Variants in PDE1C observed in about 807,000 individuals in gnomAD.
PDE1C encodes the protein dual specificity calcium/calmodulin-dependent 3',5'-cyclic nucleotide phosphodiesterase 1C.
In PDE1C, 62 loss-of-function variants were observed where a neutral mutation model predicts 93.1. The observed-to-expected ratio is 0.67, with a 90% CI of 0.54 to 0.82. The LOEUF is 0.82. Ranked by LOEUF, PDE1C falls within the 40% of genes least tolerant of loss-of-function variation. The probability of loss-of-function intolerance (pLI) is 0.00; values close to 1 mark genes in which losing one functional copy is unlikely to be tolerated. For missense variants in PDE1C, 742 were observed against 884.6 expected (o/e 0.84, Z 2.04); for synonymous variants, 325 against 310.1 (o/e 1.05, Z -0.50).
chr7:31,695,191 G>A, the PDE1C span, among the ~76,000 whole-genome samples: 3 of 152,098 alleles, frequency 2.0e-5, no homozygotes. Flanking sequence ...GTGGCTTGCC[G>A]GACCATATTT....
At chr7:32,128,893 T>A (rs1799736966) in intron 3 of PDE1C, among the ~76,000 whole-genome samples, 1 of 103,206 alleles carries the variant, frequency 9.7e-6, no homozygotes, top group Non-Finnish European at 1.9e-5. Context: ...ACCCTAGAAC[T>A]TAAAGTATAA....
intron 3 of PDE1C, among the ~76,000 whole-genome samples, chr7:32,119,882 G>A (rs1799200650): frequency 6.6e-6 from 1 of 152,236 alleles, no homozygotes; most frequent in South Asian, 2.1e-4. Flanking sequence ...CCCGGGGGAA[G>A]GGCAATCAGC....
chr7:31,681,316 C>T, the PDE1C span, among the ~76,000 whole-genome samples: 6 of 152,092 alleles, frequency 3.9e-5, no homozygotes, highest in African/African-American at 1.2e-4. Context: ...ACCTAACATA[C>T]CACCTTCATG....
intron 17 of PDE1C, among the ~76,000 whole-genome samples, chr7:31,759,085 T>C (rs1794667982): frequency 6.6e-6 from 1 of 152,192 alleles, no homozygotes; most frequent in Non-Finnish European, 1.5e-5. Flanking sequence ...CCCACTGAGT[T>C]TGTGGAAATA....
intron 1 of PDE1C, among the ~76,000 whole-genome samples, chr7:32,373,835 G>T (rs1585130643): frequency 6.6e-6 from 1 of 151,918 alleles, no homozygotes; most frequent in Non-Finnish European, 1.5e-5. Context: ...TAAAAATACA[G>T]AAATTAGCCA....
intron 1 of PDE1C, among the ~76,000 whole-genome samples, chr7:32,307,891 G>T (rs1343684417): frequency 6.6e-6 from 1 of 152,224 alleles, no homozygotes; most frequent in Non-Finnish European, 1.5e-5. Context: ...GCAGGACAGT[G>T]GGTGCAGCGC....
chr7:31,809,999 T>C (rs1447758862), intron 15 of PDE1C, among the ~76,000 whole-genome samples: 2 of 152,088 alleles, frequency 1.3e-5, no homozygotes, highest in African/African-American at 4.8e-5. Flanking sequence ...CACTTACTCA[T>C]TTACCTATTG....
intron 15 of PDE1C, among the ~76,000 whole-genome samples, chr7:31,809,330 T>C (rs906018381): frequency 6.6e-6 from 1 of 152,062 alleles, no homozygotes; most frequent in African/African-American, 2.4e-5. Flanking sequence ...GAGTTGTAGT[T>C]AAGTTATGTG....
chr7:31,859,188 TGACTATATATA>T (rs971605169), intron 7 of PDE1C, among the ~76,000 whole-genome samples: 1 of 149,548 alleles, frequency 6.7e-6, no homozygotes, highest in Admixed American at 6.7e-5. Context: ...TATGATTTAT[TGACTATATATA>T]GACTATATAT....
chr7:32,139,109 C>A (rs17528266), intron 3 of PDE1C, among the ~76,000 whole-genome samples: 2 of 151,944 alleles, frequency 1.3e-5, no homozygotes. Context: ...TACCTCTATC[C>A]TGGTGGAAAT....
At chr7:32,056,159 T>C (rs1794047864) in intron 1 of PDE1C, among the ~76,000 whole-genome samples, 1 of 151,962 alleles carries the variant, frequency 6.6e-6, no homozygotes, top group South Asian at 2.1e-4. Context: ...AGCTGTTGTG[T>C]TCTGGGACCT....
the PDE1C span, among the ~76,000 whole-genome samples, chr7:31,715,117 G>C: frequency 6.6e-6 from 1 of 151,984 alleles, no homozygotes; most frequent in Admixed American, 6.6e-5. Flanking sequence ...CAAATTTTTG[G>C]GTTCCTCATG....
intron 16 of PDE1C, among the ~76,000 whole-genome samples, chr7:31,783,071 C>T (rs1783556460): frequency 6.6e-6 from 1 of 152,164 alleles, no homozygotes; most frequent in Non-Finnish European, 1.5e-5. Flanking sequence ...CCTAGTCAGA[C>T]TCCTTATGTT....
chr7:31,958,976 T>G (rs890499234), intron 2 of PDE1C, among the ~76,000 whole-genome samples: 2 of 152,140 alleles, frequency 1.3e-5, no homozygotes, highest in Non-Finnish European at 2.9e-5. Context: ...TGACACTTCT[T>G]CCTATCACCC....
intron 1 of PDE1C, among the ~76,000 whole-genome samples, chr7:32,401,795 T>C (rs1784947890): frequency 6.6e-6 from 1 of 152,172 alleles, no homozygotes; most frequent in South Asian, 2.1e-4. Flanking sequence ...CCTTCCCACC[T>C]TGAAGGGGGC....
intron 1 of PDE1C, among the ~76,000 whole-genome samples, chr7:32,069,710 CA>C: frequency 6.6e-6 from 1 of 152,208 alleles, no homozygotes; most frequent in African/African-American, 2.4e-5. Context: ...TCAAATATTG[CA>C]AGAAAACCCC....
intron 1 of PDE1C, among the ~76,000 whole-genome samples, chr7:32,374,386 C>T (rs1784400427): frequency 1.3e-5 from 2 of 152,176 alleles, no homozygotes; most frequent in Admixed American, 1.3e-4. Flanking sequence ...ATAGTATGGA[C>T]AGGAGTGACA....
chr7:31,775,825 G>T (rs780720103), intron 16 of PDE1C, 93 bp from the exon 17 acceptor site: 48 of 1,083,148 alleles, frequency 4.4e-5, no homozygotes, highest in Non-Finnish European at 6.4e-5. Context: ...TCAAGTTGGG[G>T]TCTGAAAACA....
chr7:32,057,822 AAATGT>A (rs1794315719), intron 1 of PDE1C, among the ~76,000 whole-genome samples: 1 of 152,342 alleles, frequency 6.6e-6, no homozygotes, highest in South Asian at 2.1e-4. Flanking sequence ...ACCTGCAGTC[AAATGT>A]AAGCATCAAG....
Sources: allele counts gnomAD v4.1 joint callset (sites outside exome capture counted in the v4.1 genomes callset), GRCh38; gene constraint gnomAD v4.1.1; transcripts MANE v1.5; gene names NCBI Gene and HGNC (gene_info 2026-07-23, HGNC 2026-07-21).